The following COL22A1 variants were observed in gnomAD, a reference collection of about 807,000 sequenced individuals.
The protein encoded by COL22A1 is collagen type XXII alpha 1 chain.
Under a neutral mutation model 248.9 loss-of-function variants are expected in COL22A1, and 221 were observed. That is an observed-to-expected ratio of 0.89 (90% CI 0.80 to 0.99). The LOEUF is 0.99. Among genes scored for constraint, COL22A1 ranks in the 50% least tolerant of loss-of-function variants. The probability of loss-of-function intolerance (pLI) is 0.00; values close to 1 mark genes in which losing one functional copy is unlikely to be tolerated. For synonymous variants in COL22A1, 891 were observed against 793.4 expected (o/e 1.12, Z -2.07); for missense variants, 2,240 against 2,179.0 (o/e 1.03, Z -0.56).
intron 4 of COL22A1, among the ~76,000 whole-genome samples, chr8:138,837,899 C>T (rs925371502): frequency 2.6e-5 from 4 of 152,096 alleles, no homozygotes; most frequent in Non-Finnish European, 4.4e-5. Flanking sequence ...AGAGGTGGGA[C>T]GTGTCCTGGT....
intron 3 of COL22A1, among the ~76,000 whole-genome samples, chr8:138,872,980 CAACA>C (rs2132020113): frequency 6.6e-6 from 1 of 152,290 alleles, no homozygotes; most frequent in African/African-American, 2.4e-5. Flanking sequence ...GTCATTCATT[CAACA>C]AACAGCCACT....
At position 138,878,249 on chromosome 8, in the gene COL22A1, GTCC is replaced by G; in HGVS notation, c.156_158del (p.Glu52del). ...CCACCCACTGCCGGACCTTCTCAAA[GTCC>G]TCCTTGCCCACGCTGGAGGAGGTGT... On this transcript the variant is annotated inframe_deletion, in exon 3 of 65. Transcript: ENST00000303045. The G allele has an allele frequency of 6.3e-7, 1 of 1,589,854 alleles. No individual in the cohort carries two copies.
intron 10 of COL22A1, among the ~76,000 whole-genome samples, chr8:138,804,540 C>T (rs1004765227): frequency 1.3e-5 from 2 of 152,192 alleles, no homozygotes; most frequent in African/African-American, 4.8e-5. Context: ...GCTTTCCTCC[C>T]GTCACAGCCG....
At chr8:138,813,134 T>C (rs1818381145) in intron 7 of COL22A1, 115 bp from the exon 8 acceptor site, 13 of 765,258 alleles carry the variant, frequency 1.7e-5, no homozygotes, top group Non-Finnish European at 2.8e-5. Flanking sequence ...CTTTGGGGTC[T>C]TCCTGAGTCC....
intron 23 of COL22A1, among the ~76,000 whole-genome samples, chr8:138,732,147 C>G (rs1830756967): frequency 6.6e-6 from 1 of 152,228 alleles, no homozygotes; most frequent in Admixed American, 6.5e-5. Flanking sequence ...CTCTCCTCCA[C>G]TTTCTCCCGC....
intron 23 of COL22A1, among the ~76,000 whole-genome samples, chr8:138,733,132 C>G (rs765943442): frequency 1.2e-4 from 19 of 152,142 alleles, no homozygotes; most frequent in Non-Finnish European, 4.4e-5. Flanking sequence ...CGGGCCAAGC[C>G]CTCCCCTGCC....
chr8:138,847,493 T>C (rs1821331128), intron 3 of COL22A1, among the ~76,000 whole-genome samples: 1 of 152,198 alleles, frequency 6.6e-6, no homozygotes, highest in South Asian at 2.1e-4. Flanking sequence ...ACTGTAGCTG[T>C]TTGGTCTAAG....
At chr8:138,825,986 G>C (rs1191200488) in intron 6 of COL22A1, 1 of 152,216 alleles carries the variant, frequency 6.6e-6, no homozygotes, top group South Asian at 2.1e-4. Context: ...GTGGAGAGCT[G>C]TCCTACCTTC....
intron 3 of COL22A1, among the ~76,000 whole-genome samples, chr8:138,861,068 T>C (rs1822420099): frequency 6.6e-6 from 1 of 152,152 alleles, no homozygotes; most frequent in African/African-American, 2.4e-5. Flanking sequence ...CACCCCCAGG[T>C]CCTCAGCTGT....
intron 23 of COL22A1, among the ~76,000 whole-genome samples, chr8:138,726,498 C>CA (rs371982028): frequency 0.031 from 2,937 of 95,574 alleles, 77 homozygotes; most frequent in African/African-American, 0.042. Flanking sequence ...CCTGTATCTA[C>CA]AAAAAAAAAA....
intron 16 of COL22A1, among the ~76,000 whole-genome samples, chr8:138,765,995 C>T (rs554839079): frequency 1.3e-5 from 2 of 152,348 alleles, no homozygotes; most frequent in South Asian, 4.1e-4. Flanking sequence ...TTCACCTGCC[C>T]TATGGCCCCC....
intron 3 of COL22A1, among the ~76,000 whole-genome samples, chr8:138,876,481 C>T (rs1823726957): frequency 6.6e-6 from 1 of 152,114 alleles, no homozygotes; most frequent in Non-Finnish European, 1.5e-5. Context: ...TTTCTGTAGC[C>T]CCAGAAATCA....
intron 12 of COL22A1, among the ~76,000 whole-genome samples, chr8:138,785,704 G>T (rs1563761508): frequency 1.3e-5 from 2 of 152,176 alleles, no homozygotes; most frequent in African/African-American, 4.8e-5. Context: ...CCTCCCAGCT[G>T]CCAGTTTTCT....
rs1234084719 is a variant in COL22A1, at chr8:138,625,450, A to G, written c.3717+740T>C. On this transcript the variant is annotated intron_variant, in intron 51 of 64. Transcript: ENST00000303045. ...AAGAGCCACAGAAGAATTCACTCTC[A>G]GTGCAGAAGGCAGTGCATGGCCTTT... Among the ~76,000 whole-genome samples the G allele has an allele frequency of 2.0e-5, 3 of 152,346 alleles. No individual in the cohort carries two copies. The East Asian group carries it at 5.8e-4, about 29-fold the overall frequency.
At chr8:138,870,768 A>G (rs1348849286) in intron 3 of COL22A1, among the ~76,000 whole-genome samples, 3 of 150,434 alleles carry the variant, frequency 2.0e-5, no homozygotes, top group Admixed American at 2.0e-4. Context: ...TATAGTATAC[A>G]TGGTGTGTGT....
chr8:138,609,805 G>A (rs1374944391), intron 56 of COL22A1, among the ~76,000 whole-genome samples: 1 of 152,140 alleles, frequency 6.6e-6, no homozygotes, highest in Non-Finnish European at 1.5e-5. Context: ...AGGCAGGGTG[G>A]TTCTGGGTGG....
At chr8:138,747,258 G>C (rs779812881) in intron 22 of COL22A1, among the ~76,000 whole-genome samples, 11 of 152,208 alleles carry the variant, frequency 7.2e-5, no homozygotes, top group Non-Finnish European at 1.6e-4. Context: ...TAAATGTTGA[G>C]TGCATTTAGG....
intron 2 of COL22A1, 56 bp downstream of exon 2, chr8:138,883,026 C>G: frequency 6.9e-7 from 1 of 1,442,784 alleles, no homozygotes; most frequent in Non-Finnish European, 9.4e-7. Flanking sequence ...TGCTCACGGA[C>G]ACATGCTGTC....
At chr8:138,792,902 A>C (rs963455657) in intron 12 of COL22A1, among the ~76,000 whole-genome samples, 1 of 152,212 alleles carries the variant, frequency 6.6e-6, no homozygotes, top group South Asian at 2.1e-4. Context: ...TCCTGGGCAC[A>C]TACTAACTGT....
Sources: gnomAD v4.1 joint callset for allele counts (sites outside exome capture counted in the v4.1 genomes callset) on GRCh38, gnomAD v4.1.1 for gene constraint, MANE v1.5 for transcripts, NCBI Gene and HGNC (gene_info 2026-07-23, HGNC 2026-07-21) for gene names.